ARHGAP10: variants seen among roughly 807,000 people sequenced by gnomAD.
The protein encoded by ARHGAP10 is rho GTPase-activating protein 10.
ARHGAP10 carries 87 observed loss-of-function variants against 108.6 expected under a neutral mutation model. That is an observed-to-expected ratio of 0.80 (90% CI 0.67 to 0.96). The LOEUF (loss-of-function observed/expected upper bound fraction) is 0.96. Ranked by LOEUF, ARHGAP10 falls within the 40% of genes least tolerant of loss-of-function variation. ARHGAP10 has a pLI of 0.00. For missense variants in ARHGAP10, 939 were observed against 954.5 expected (o/e 0.98, Z 0.21); for synonymous variants, 347 against 341.1 (o/e 1.02, Z -0.19).
chr4:147,913,679 C>T (rs1393317955), intron 13 of ARHGAP10, among the ~76,000 whole-genome samples: 1 of 152,148 alleles, frequency 6.6e-6, no homozygotes, highest in Non-Finnish European at 1.5e-5. Flanking sequence ...TCTCTAAATA[C>T]AGTCACATTC....
At chr4:147,735,221 C>T (rs1728369871) in intron 1 of ARHGAP10, among the ~76,000 whole-genome samples, 1 of 152,174 alleles carries the variant, frequency 6.6e-6, no homozygotes, top group African/African-American at 2.4e-5. Flanking sequence ...GTTTACTGTC[C>T]TGTAGTTGAA....
intron 19 of ARHGAP10, among the ~76,000 whole-genome samples, chr4:148,038,781 G>C (rs984298720): frequency 2.0e-5 from 3 of 152,198 alleles, no homozygotes; most frequent in African/African-American, 7.2e-5. Flanking sequence ...GAGCAGTTGT[G>C]CTCACCCTCC....
rs115750886 is a variant in ARHGAP10, at chr4:147,977,593, A to G, written c.1716+10754A>G. ...CATAGACAGTTTAGTATAATATGGC[A>G]TAGTAGGCTCTAAAGTGGAATTCCT... On this transcript the variant is annotated intron_variant, in intron 18 of 22. Coordinates refer to ENST00000336498, the MANE Select transcript of ARHGAP10 (RefSeq NM_024605.4). 9.5e-3 allele frequency among the ~76,000 whole-genome samples: 1,454 copies of G among 152,272 alleles called. 21 individuals carry two copies. The highest frequency in any genetic ancestry group is 0.033 in the African/African-American group (1,365 of 41,550).
rs1449996459 is a variant in ARHGAP10 at position 148,023,386 on chromosome 4, T to C, written c.1840T>C (p.Tyr614His). 6.2e-7 allele frequency: 1 copy of C among 1,613,924 alleles called. No homozygotes were observed. The highest frequency in any genetic ancestry group is 1.1e-5 in the South Asian group (1 of 91,014). ...GQRTKRPVAV[Y>H]NLCLELEDGD... is the part of the protein sequence containing the mutation. ...GAGAACCAAGAGGCCCGTGGCCGTCTACAATCTTTGTCTGGAGCTGGAAGA... is the reference window on the plus strand; with the variant it reads ...GAGAACCAAGAGGCCCGTGGCCGTCCACAATCTTTGTCTGGAGCTGGAAGA... The change falls in exon 19 of 23, where the codon TAC becomes CAC. Residue 614 changes from tyrosine (Y) to histidine (H), a missense_variant. Tyr to His is a moderately conservative substitution (Grantham distance 83). Transcript: ENST00000336498.
In ARHGAP10 at chr4:147,797,700, T is replaced by C. The variant is rs532334403; in HGVS notation, c.155-25027T>C. Among the ~76,000 whole-genome samples the C allele has an allele frequency of 1.1e-4, 16 of 152,312 alleles. No individual in the cohort carries two copies. In the East Asian group the frequency reaches 2.9e-3, roughly 28 times the overall value. On this transcript the variant is annotated intron_variant, in intron 1 of 22. Transcript: ENST00000336498. Reference sequence around the variant, plus strand: ...TGCTGGGATTACAAGCATGAGCCGTTGCGCCTGGCCAGCCAACACGCCCGG... The same window carrying C: ...TGCTGGGATTACAAGCATGAGCCGTCGCGCCTGGCCAGCCAACACGCCCGG...
intron 1 of ARHGAP10, among the ~76,000 whole-genome samples, chr4:147,736,172 A>G (rs1262471510): frequency 1.3e-5 from 2 of 151,218 alleles, no homozygotes; most frequent in Non-Finnish European, 2.9e-5. Context: ...AGGGGCCCTC[A>G]TTAATGAGTC....
chr4:148,043,014 T>C (rs768305104), intron 19 of ARHGAP10, among the ~76,000 whole-genome samples: 1 of 152,112 alleles, frequency 6.6e-6, no homozygotes, highest in Non-Finnish European at 1.5e-5. Context: ...TGCTTTGTGT[T>C]CTCTAAGGCT....
chr4:148,000,450 A>T (rs1454198645), intron 18 of ARHGAP10, among the ~76,000 whole-genome samples: 2 of 152,202 alleles, frequency 1.3e-5, no homozygotes, highest in African/African-American at 2.4e-5. Flanking sequence ...CAGTAATGGG[A>T]TGGCTGGGTC....
chr4:147,939,608 A>G (rs1738091755), intron 13 of ARHGAP10, among the ~76,000 whole-genome samples: 1 of 152,256 alleles, frequency 6.6e-6, no homozygotes, highest in Admixed American at 6.5e-5. Flanking sequence ...TTTTGTCCAC[A>G]TGGAACATTG....
intron 13 of ARHGAP10, among the ~76,000 whole-genome samples, chr4:147,927,475 G>A (rs758823338): frequency 4.6e-5 from 7 of 152,122 alleles, no homozygotes; most frequent in Non-Finnish European, 8.8e-5. Context: ...AAATTTTAAC[G>A]TATTGCATTT....
chr4:147,748,386 A>G (rs2126688685), intron 1 of ARHGAP10, among the ~76,000 whole-genome samples: 1 of 152,226 alleles, frequency 6.6e-6, no homozygotes, highest in Non-Finnish European at 1.5e-5. Flanking sequence ...GAAACTAGTA[A>G]AAAAAAGCTG....
At chr4:147,885,259 T>C (rs956951835) in intron 10 of ARHGAP10, among the ~76,000 whole-genome samples, 6 of 152,156 alleles carry the variant, frequency 3.9e-5, no homozygotes, top group African/African-American at 1.2e-4. Context: ...AAAAAGAGGT[T>C]TAATGGACTC....
At chr4:147,779,805 T>C (rs1472009618) in intron 1 of ARHGAP10, among the ~76,000 whole-genome samples, 1 of 152,236 alleles carries the variant, frequency 6.6e-6, no homozygotes, top group Non-Finnish European at 1.5e-5. Context: ...TGTTTAAGCT[T>C]TTCATGATTC....
intron 10 of ARHGAP10, among the ~76,000 whole-genome samples, chr4:147,885,444 A>G (rs1286548393): frequency 1.3e-5 from 2 of 152,218 alleles, no homozygotes; most frequent in Non-Finnish European, 2.9e-5. Flanking sequence ...GGAAAAACCC[A>G]TTCCCATGAT....
intron 13 of ARHGAP10, among the ~76,000 whole-genome samples, chr4:147,922,929 C>T (rs1737309438): frequency 6.6e-6 from 1 of 152,132 alleles, no homozygotes; most frequent in Non-Finnish European, 1.5e-5. Context: ...TTACTGTTTA[C>T]TCAGAGAAAA....
At chr4:147,902,066 G>T (rs1736272803) in intron 10 of ARHGAP10, among the ~76,000 whole-genome samples, 1 of 152,134 alleles carries the variant, frequency 6.6e-6, no homozygotes, top group Non-Finnish European at 1.5e-5. Flanking sequence ...ATGGTATATT[G>T]TAGTTGATCT....
intron 1 of ARHGAP10, among the ~76,000 whole-genome samples, chr4:147,776,793 T>G (rs938495415): frequency 1.3e-5 from 2 of 152,240 alleles, no homozygotes; most frequent in Admixed American, 6.5e-5. Flanking sequence ...CTGGGACTTG[T>G]ATCGCAGCAT....
At chr4:147,976,549 T>G (rs1739604203) in intron 18 of ARHGAP10, among the ~76,000 whole-genome samples, 2 of 151,882 alleles carry the variant, frequency 1.3e-5, no homozygotes, top group African/African-American at 2.4e-5. Context: ...TGGTTTTTTT[T>G]TTTTTTTCTT....
chr4:147,824,154 T>C (rs1045865901), intron 3 of ARHGAP10, among the ~76,000 whole-genome samples: 2 of 152,038 alleles, frequency 1.3e-5, no homozygotes, highest in Non-Finnish European at 2.9e-5. Context: ...ACCCCATCTC[T>C]ACTAAAAATA....
Sources: gnomAD v4.1 joint callset for allele counts (sites outside exome capture counted in the v4.1 genomes callset) on GRCh38, gnomAD v4.1.1 for gene constraint, MANE v1.5 for transcripts, NCBI Gene and HGNC (gene_info 2026-07-23, HGNC 2026-07-21) for gene names.